Variants in BTBD8 observed in about 807,000 individuals in gnomAD.
BTBD8 encodes BTB domain containing 8, also known as BTB/POZ domain-containing protein 8.
A neutral mutation model predicts 162.9 loss-of-function variants in BTBD8; 110 were observed. The observed-to-expected ratio is 0.68, with a 90% CI of 0.58 to 0.79. BTBD8 has a LOEUF of 0.79. BTBD8 is among the 30% of genes least tolerant of loss of function. BTBD8 has a pLI of 0.00. For missense variants in BTBD8, 1,905 were observed against 2,085.4 expected (o/e 0.91, Z 1.68); for synonymous variants, 667 against 716.1 (o/e 0.93, Z 1.10).
intron 9 of BTBD8, among the ~76,000 whole-genome samples, chr1:92,159,342 T>C (rs1233320112): frequency 6.6e-6 from 1 of 151,926 alleles, no homozygotes; most frequent in Admixed American, 6.6e-5. Flanking sequence ...AGCTAGCTAA[T>C]TTTTTGTATT....
At chr1:92,177,590 AT>A in intron 14 of BTBD8, 44 bp downstream of exon 14, 2 of 1,339,614 alleles carry the variant, frequency 1.5e-6, no homozygotes, top group Non-Finnish European at 2.0e-6. Context: ...TGACAGTTAA[AT>A]TTCCTTCAAA....
At chr1:92,125,527 A>G (rs1649332407) in intron 4 of BTBD8, 2 of 307,402 alleles carry the variant, frequency 6.5e-6, no homozygotes, top group Non-Finnish European at 1.3e-5. Context: ...GCACTTGTAC[A>G]GAATTCAGGA....
At chr1:92,174,885 A>G (rs1650661832) in intron 13 of BTBD8, among the ~76,000 whole-genome samples, 1 of 152,112 alleles carries the variant, frequency 6.6e-6, no homozygotes, top group Non-Finnish European at 1.5e-5. Flanking sequence ...CAAGTTATTT[A>G]TTGTGTATTT....
intron 10 of BTBD8, 97 bp from the exon 11 acceptor site, chr1:92,167,751 C>A: frequency 1.0e-6 from 1 of 961,362 alleles, no homozygotes; most frequent in Non-Finnish European, 1.5e-6. Flanking sequence ...TGGTTGACTT[C>A]ATACAGCTAG....
At chr1:92,128,146 C>T (rs999955471) in intron 4 of BTBD8, among the ~76,000 whole-genome samples, 1 of 151,472 alleles carries the variant, frequency 6.6e-6, no homozygotes, top group South Asian at 2.1e-4. Flanking sequence ...GGCGGAGTTT[C>T]GCTCTTGTTG....
chr1:92,094,634 A>C (rs1428690857), intron 2 of BTBD8, among the ~76,000 whole-genome samples: 3 of 152,202 alleles, frequency 2.0e-5, no homozygotes, highest in African/African-American at 7.2e-5. Flanking sequence ...TTTTATATGC[A>C]GTGACTTCAG....
In BTBD8 at chr1:92,167,835, C is replaced by G. The variant is rs1345911891; in HGVS notation, c.1306-13C>G. The G allele has an allele frequency of 1.3e-6, 2 of 1,542,204 alleles. No individual in the cohort carries two copies. The highest frequency in any genetic ancestry group is 1.8e-6 in the Non-Finnish European group (2 of 1,141,014). On this transcript the variant is annotated splice_polypyrimidine_tract_variant and intron_variant, in intron 10 of 17. Transcript: ENST00000636805. ...ATGTATTCCTCTTAAATATTAATTT[C>G]TGTGTTTTATAGTCACAAGCAATGA... is the stretch of plus-strand genomic sequence containing the variant.
intron 1 of BTBD8, among the ~76,000 whole-genome samples, chr1:92,086,708 G>C (rs933429724): frequency 3.3e-5 from 5 of 152,056 alleles, no homozygotes; most frequent in Non-Finnish European, 5.9e-5. Flanking sequence ...AAGCCAAGAG[G>C]GCTCCACCCT....
intron 9 of BTBD8, among the ~76,000 whole-genome samples, chr1:92,161,532 A>T (rs916506512): frequency 6.6e-6 from 1 of 152,230 alleles, no homozygotes; most frequent in African/African-American, 2.4e-5. Context: ...CTACAAATTG[A>T]TTTTTAAAAA....
intron 9 of BTBD8, among the ~76,000 whole-genome samples, chr1:92,158,714 C>A (rs1650214458): frequency 6.6e-6 from 1 of 151,980 alleles, no homozygotes; most frequent in South Asian, 2.1e-4. Flanking sequence ...GATCAGGGGG[C>A]TTATGGGAAA....
rs1649464801 is a variant in BTBD8 at position 92,129,761 on chromosome 1, A to G, written c.737A>G (p.Tyr246Cys). Residue 246 changes from tyrosine to cysteine, a missense_variant, in exon 5 of 18, where the codon TAC (tyrosine) becomes TGC (cysteine). Around this residue, in one of 3 missense-constraint regions of BTBD8, gnomAD observed 1,374 missense variants for 1,442.7 expected, o/e 0.95. Transcript: ENST00000636805. ...TGTTGGGCTGAAAGCTCCCAAGAGT[A>G]CGTTACTCTTCAAGGGTAAGCATAT... Reference protein sequence around the residue: ...SGCWAESSQEYVTLQGISHVE... With the variant: ...SGCWAESSQECVTLQGISHVE... 1.2e-6 allele frequency: 2 copies of G among 1,613,694 alleles called. No individual in the cohort carries two copies. The highest frequency in any genetic ancestry group is 1.7e-6 in the Non-Finnish European group (2 of 1,179,730).
At chr1:92,109,252 CTT>C (rs77374096) in intron 4 of BTBD8, among the ~76,000 whole-genome samples, 44 of 123,814 alleles carry the variant, frequency 3.6e-4, no homozygotes, top group Admixed American at 5.6e-4. Context: ...GTCTTGTTTT[CTT>C]TTTTTTTTTT....
chr1:92,119,474 C>T (rs961130070), intron 4 of BTBD8, among the ~76,000 whole-genome samples: 2 of 151,462 alleles, frequency 1.3e-5, no homozygotes, highest in Non-Finnish European at 2.9e-5. Flanking sequence ...TTTGTAGAGA[C>T]AAGTTCTTCC....
chr1:92,114,247 G>C lies in BTBD8; in HGVS notation c.662+6246G>C, dbSNP rs371212947. On this transcript the variant is annotated intron_variant, in intron 4 of 17. Transcript: ENST00000636805. ...ATGGATTATCTATCGATATTCAACA[G>C]TGTGAAAGAAAAGACTGCCATGGAA... is the stretch of plus-strand genomic sequence containing the variant. 1.2e-3 allele frequency among the ~76,000 whole-genome samples: 190 copies of C among 152,114 alleles called. 3 individuals are homozygous for C. Among genetic ancestry groups the C allele is most frequent in the African/African-American group, 4.6e-3 (189 of 41,394 alleles).
chr1:92,170,994 C>T (rs575689525), intron 12 of BTBD8, among the ~76,000 whole-genome samples: 288 of 151,794 alleles, frequency 1.9e-3, no homozygotes, highest in Admixed American at 4.1e-3. Flanking sequence ...TTAGTATAAA[C>T]ATTTTCTCAT....
chr1:92,166,959 A>G lies in BTBD8; in HGVS notation c.1124A>G (p.Asn375Ser). 1.3e-6 allele frequency: 2 copies of G among 1,537,142 alleles called. No individual in the cohort carries two copies. The highest frequency in any genetic ancestry group is 1.8e-6 in the Non-Finnish European group (2 of 1,139,854). ...SCLNMLIQSL[N>S]DKNAAFLLME... ...TTCCAATTTTTTTTTAAATCTAAGA[A>G]TGATAAGAATGCTGCTTTTCTTCTG... Residue 375 changes from asparagine to serine, a missense_variant and splice_region_variant, in exon 10 of 18, where the codon AAT becomes AGT. Transcript: ENST00000636805.
chr1:92,165,132 A>G (rs1650356879), intron 9 of BTBD8, among the ~76,000 whole-genome samples: 1 of 152,060 alleles, frequency 6.6e-6, no homozygotes. Flanking sequence ...AAAAAAAAAA[A>G]AAAGAATTAT....
At chr1:92,177,963 C>T in intron 15 of BTBD8, 65 bp downstream of exon 15, 2 of 695,640 alleles carry the variant, frequency 2.9e-6, no homozygotes, top group South Asian at 4.3e-5. Flanking sequence ...TATATACTAA[C>T]TGCTAGCTAA....
intron 5 of BTBD8, among the ~76,000 whole-genome samples, chr1:92,135,659 TTAAAA>T (rs745784373): frequency 1.9e-4 from 29 of 152,164 alleles, no homozygotes; most frequent in Non-Finnish European, 3.4e-4. Context: ...TACAAATGAC[TTAAAA>T]TATAATGAGA....
Sources: gnomAD v4.1 joint callset for allele counts (sites outside exome capture counted in the v4.1 genomes callset) on GRCh38, gnomAD v4.1.1 for gene constraint, gnomAD v4.1.1 regional missense constraint, MANE v1.5 for transcripts, NCBI Gene and HGNC (gene_info 2026-07-23, HGNC 2026-07-21) for gene names.